TBK1: variants seen among roughly 807,000 people sequenced by gnomAD.
TBK1 encodes TANK binding kinase 1.
TBK1 carries 37 observed loss-of-function variants against 99.9 expected under a neutral mutation model. The ratio of observed to expected loss-of-function variants is 0.37; its 90% CI spans 0.28 to 0.49. The LOEUF is 0.49. Ranked by LOEUF, TBK1 falls within the 20% of genes least tolerant of loss-of-function variation. The probability of loss-of-function intolerance (pLI) is 0.98; values close to 1 mark genes in which losing one functional copy is unlikely to be tolerated. For missense variants in TBK1, 644 were observed against 872.5 expected (o/e 0.74, Z 3.30); for synonymous variants, 258 against 279.8 (o/e 0.92, Z 0.78).
chr12:64,481,353 A>C (rs1479269520), intron 7 of TBK1, among the ~76,000 whole-genome samples: 2 of 152,194 alleles, frequency 1.3e-5, no homozygotes, highest in Non-Finnish European at 2.9e-5. Flanking sequence ...ACCAAGTTAC[A>C]AATTCTTTGA....
chr12:64,454,838 G>T (rs1002364631), intron 1 of TBK1, among the ~76,000 whole-genome samples: 1 of 151,362 alleles, frequency 6.6e-6, no homozygotes, highest in Non-Finnish European at 1.5e-5. Context: ...CACCATGCCC[G>T]GCTAATTTTT....
At chr12:64,475,249 G>A (rs1024131274) in intron 6 of TBK1, among the ~76,000 whole-genome samples, 1 of 152,080 alleles carries the variant, frequency 6.6e-6, no homozygotes, top group Admixed American at 6.5e-5. Flanking sequence ...ACACATTTAT[G>A]TATTGTCACA....
intron 6 of TBK1, among the ~76,000 whole-genome samples, chr12:64,477,896 G>A (rs1197747034): frequency 6.6e-6 from 1 of 152,134 alleles, no homozygotes; most frequent in South Asian, 2.1e-4. Context: ...GTAAGCCAAG[G>A]AAGAGATGGA....
chr12:64,495,331 C>A, intron 13 of TBK1, 152 bp from the exon 14 acceptor site: 2 of 970,878 alleles, frequency 2.1e-6, no homozygotes, highest in Non-Finnish European at 3.0e-6. Context: ...ACCTAAGAAA[C>A]TCTTTTGTAT....
At position 64,485,497 on chromosome 12, in the gene TBK1, A is replaced by G; in HGVS notation, c.1232A>G (p.Asp411Gly). Reference protein sequence around the residue: ...KVHPRYDLDGDASMAKAITGV... With the variant: ...KVHPRYDLDGGASMAKAITGV... ...CATCCACGTTATGATTTAGACGGGG[A>G]TGCTAGCATGGCTAAGGTTAGTATT... Residue 411 changes from aspartate to glycine, a missense_variant, in exon 10 of 21, where the codon GAT becomes GGT. Physicochemically the swap from Asp to Gly is moderately conservative, Grantham distance 94 (BLOSUM62 -1). Coordinates refer to ENST00000331710, the MANE Select transcript of TBK1 (RefSeq NM_013254.4). The G allele has an allele frequency of 1.3e-6, 2 of 1,551,932 alleles. No homozygotes were observed. Among genetic ancestry groups the G allele is most frequent in the Non-Finnish European group, 1.8e-6 (2 of 1,134,036 alleles).
chr12:64,471,242 T>C (rs2040659267), intron 5 of TBK1, among the ~76,000 whole-genome samples: 1 of 152,052 alleles, frequency 6.6e-6, no homozygotes, highest in South Asian at 2.1e-4. Context: ...TAATCTCAGC[T>C]CACTCAAGCT....
At chr12:64,454,372 G>C (rs2040461664) in intron 1 of TBK1, among the ~76,000 whole-genome samples, 1 of 151,980 alleles carries the variant, frequency 6.6e-6, no homozygotes, top group African/African-American at 2.4e-5. Context: ...TCAGCCTCCC[G>C]AGTAGCTGGG....
intron 20 of TBK1, 65 bp downstream of exon 20, chr12:64,498,104 A>G (rs191932480): frequency 1.5e-6 from 2 of 1,326,914 alleles, no homozygotes; most frequent in East Asian, 2.3e-5. Context: ...ATCTGTACTT[A>G]TATCTTCCTG....
chr12:64,486,124 T>C (rs1292207848), intron 11 of TBK1, 107 bp downstream of exon 11: 3 of 625,546 alleles, frequency 4.8e-6, no homozygotes, highest in Non-Finnish European at 7.9e-6. Flanking sequence ...ATTTTTATTA[T>C]AATACATTTG....
intron 5 of TBK1, 22 bp downstream of exon 5, chr12:64,467,104 T>C (rs1405505739): frequency 4.6e-6 from 7 of 1,515,622 alleles, no homozygotes; most frequent in Non-Finnish European, 5.3e-6. Flanking sequence ...ATCACTAATA[T>C]TTTCATTTAA....
chr12:64,473,916 C>CA (rs1428133225), intron 5 of TBK1, among the ~76,000 whole-genome samples: 8 of 151,362 alleles, frequency 5.3e-5, no homozygotes, highest in Non-Finnish European at 7.4e-5. Context: ...CACCCCATCT[C>CA]AAAAAAAAGA....
At chr12:64,467,702 A>T (rs1592358541) in intron 5 of TBK1, among the ~76,000 whole-genome samples, 1 of 152,178 alleles carries the variant, frequency 6.6e-6, no homozygotes, top group Non-Finnish European at 1.5e-5. Flanking sequence ...TTTTGTCTTA[A>T]AAGTCATAGA....
At chr12:64,482,434 A>G (rs1356494185) in intron 8 of TBK1, among the ~76,000 whole-genome samples, 1 of 152,162 alleles carries the variant, frequency 6.6e-6, no homozygotes. Flanking sequence ...TGCAGATAAT[A>G]TGGTTACTAT....
At chr12:64,494,210 C>T (rs1370849126) in intron 13 of TBK1, among the ~76,000 whole-genome samples, 1 of 151,652 alleles carries the variant, frequency 6.6e-6, no homozygotes, top group Non-Finnish European at 1.5e-5. Flanking sequence ...ACCTGTAATC[C>T]CAGCACTTTG....
intron 13 of TBK1, among the ~76,000 whole-genome samples, chr12:64,493,396 G>T (rs892439084): frequency 6.6e-6 from 1 of 151,668 alleles, no homozygotes; most frequent in Admixed American, 6.6e-5. Context: ...GGAGGCTGAG[G>T]TAGGCGGATC....
At chr12:64,466,751 TTTA>T (rs1253278445) in intron 4 of TBK1, 147 bp from the exon 5 acceptor site, 2 of 315,784 alleles carry the variant, frequency 6.3e-6, no homozygotes, top group Non-Finnish European at 1.1e-5. Flanking sequence ...TATATATATA[TTTA>T]TTATCTATTC....
At chr12:64,496,439 T>C in intron 16 of TBK1, 33 bp downstream of exon 16, 2 of 1,138,566 alleles carry the variant, frequency 1.8e-6, no homozygotes, top group South Asian at 1.6e-5. Flanking sequence ...ATAGTTATTT[T>C]TGGTGCTATT....
rs1475134696 is a variant in TBK1 at position 64,484,079 on chromosome 12, A to G, written c.993-224A>G. 2.4e-5 allele frequency: 9 copies of G among 371,368 alleles called. No individual in the cohort carries two copies. In the East Asian group the frequency reaches 2.8e-4, roughly 11 times the overall value. The allele number at this position is 371,368 out of a possible 1,614,324, so 23.0% of individuals were successfully genotyped here. A position where few individuals can be genotyped will look rare whatever the true frequency, so the allele number is the denominator to read the frequency against. On this transcript the variant is annotated intron_variant, in intron 8 of 20. Transcript: ENST00000331710. ...AAAGAAAATATTAAGAATCCTGTAT[A>G]TTACACAGGTATCCAAACATAAAAA... is the stretch of plus-strand genomic sequence containing the variant.
intron 13 of TBK1, among the ~76,000 whole-genome samples, chr12:64,491,511 T>C (rs2136083798): frequency 6.6e-6 from 1 of 152,118 alleles, no homozygotes; most frequent in East Asian, 1.9e-4. Flanking sequence ...TGGTCCCAGC[T>C]ACTTGGGAGG....
Sources: allele counts gnomAD v4.1 joint callset (sites outside exome capture counted in the v4.1 genomes callset), GRCh38; gene constraint gnomAD v4.1.1; transcripts MANE v1.5; gene names NCBI Gene and HGNC (gene_info 2026-07-23, HGNC 2026-07-21).